KCNH5: variants seen among roughly 807,000 people sequenced by gnomAD.
The protein encoded by KCNH5 is potassium voltage-gated channel subfamily H member 5.
KCNH5 carries 46 observed loss-of-function variants against 96.1 expected under a neutral mutation model. The observed-to-expected ratio is 0.48, with a 90% CI of 0.38 to 0.61. KCNH5 has a LOEUF of 0.61. Ranked by LOEUF, KCNH5 falls within the 20% of genes least tolerant of loss-of-function variation. The probability of loss-of-function intolerance (pLI) is 0.00; values close to 1 mark genes in which losing one functional copy is unlikely to be tolerated. For synonymous variants in KCNH5, 439 were observed against 449.8 expected, an observed-to-expected ratio of 0.98 and a Z score of 0.30; for missense variants, 907 against 1,225.8, an observed-to-expected ratio of 0.74 and a Z score of 3.88.
chr14:62,863,631 A>C (rs1214053961), intron 7 of KCNH5, among the ~76,000 whole-genome samples: 1 of 152,180 alleles, frequency 6.6e-6, no homozygotes, highest in African/African-American at 2.4e-5. Flanking sequence ...CAATTATTTC[A>C]TTTCTTAGAG....
intron 7 of KCNH5, among the ~76,000 whole-genome samples, chr14:62,918,258 G>C (rs1029186360): frequency 6.6e-6 from 1 of 152,026 alleles, no homozygotes; most frequent in Non-Finnish European, 1.5e-5. Context: ...TCCTGGCTCT[G>C]GGTCCCATTA....
At chr14:62,750,749 A>C (rs1176847366) in intron 10 of KCNH5, among the ~76,000 whole-genome samples, 5 of 152,226 alleles carry the variant, frequency 3.3e-5, no homozygotes, top group Admixed American at 6.5e-5. Flanking sequence ...GAATCAGTGT[A>C]AATGTTAACT....
intron 3 of KCNH5, among the ~76,000 whole-genome samples, chr14:63,003,753 G>A (rs1200153845): frequency 7.3e-6 from 1 of 137,512 alleles, no homozygotes; most frequent in East Asian, 2.4e-4. Flanking sequence ...CTGAGTAGCT[G>A]GGACTACAAG....
At chr14:62,709,232 C>CAAAAAAAAAAAAAAAAAAAA (rs67304113) in intron 10 of KCNH5, among the ~76,000 whole-genome samples, 6 of 71,572 alleles carry the variant, frequency 8.4e-5, no homozygotes, top group South Asian at 1.7e-3. Context: ...GACTCCTTCT[C>CAAAAAAAAAAAAAAAAAAAA]AAAAAAAAAA....
chr14:62,833,617 C>T (rs1382976141), intron 8 of KCNH5, among the ~76,000 whole-genome samples: 1 of 151,832 alleles, frequency 6.6e-6, no homozygotes, highest in Non-Finnish European at 1.5e-5. Context: ...ATTTGGAGTC[C>T]TTTGGGGTTC....
chr14:62,724,418 T>G (rs963750456), intron 10 of KCNH5, among the ~76,000 whole-genome samples: 3 of 152,128 alleles, frequency 2.0e-5, no homozygotes, highest in Admixed American at 6.6e-5. Context: ...TACCTGAAGC[T>G]TCAAAAGAAA....
chr14:62,984,786 T>C lies in KCNH5; in HGVS notation c.549+2286A>G, dbSNP rs1890673304. Reference sequence around the variant, plus strand: ...GAAAAAAAAAACAGATGGGATGAAATAGGAATACGTTTCTCAAAAATAAAA... The same window carrying C: ...GAAAAAAAAAACAGATGGGATGAAACAGGAATACGTTTCTCAAAAATAAAA... On this transcript the variant is annotated intron_variant, in intron 5 of 10. Coordinates refer to ENST00000322893, the MANE Select transcript of KCNH5 (RefSeq NM_139318.5). Among the ~76,000 whole-genome samples, 3 of 150,982 alleles carry C rather than the reference T, an allele frequency of 2.0e-5. No individual in the cohort carries two copies. In the East Asian group the frequency reaches 5.8e-4, roughly 29 times the overall value.
intron 6 of KCNH5, among the ~76,000 whole-genome samples, chr14:62,971,146 C>T (rs1161427845): frequency 6.6e-6 from 1 of 151,998 alleles, no homozygotes; most frequent in Non-Finnish European, 1.5e-5. Context: ...AACCATGAAA[C>T]TCATAAGTAA....
At chr14:62,986,977 A>T in intron 5 of KCNH5, 95 bp downstream of exon 5, 1 of 790,696 alleles carries the variant, frequency 1.3e-6, no homozygotes, top group Non-Finnish European at 2.2e-6. Context: ...AGTATTTATA[A>T]GATCATAGCC....
chr14:63,016,871 AT>A lies in KCNH5; in HGVS notation c.156del (p.Tyr53IlefsTer20). ...TTCTGCATGACGTCAGCTCGATGAT[AT>A]CCAGAGAGTTTACAAAAACCGTCAT... is the stretch of plus-strand genomic sequence containing the variant. ...YSNDGFCKLSGYHRADVMQKS... is the reference protein window; with the variant it reads ...YSNDGFCKLSXYHRADVMQKS... On this transcript the variant is annotated frameshift_variant, in exon 2 of 11. Transcript: ENST00000322893. LOFTEE classifies it high-confidence loss of function. The A allele has an allele frequency of 6.2e-7, 1 of 1,612,020 alleles. No individual in the cohort carries two copies. The highest frequency in any genetic ancestry group is 8.5e-7 in the Non-Finnish European group (1 of 1,178,664).
At position 62,913,837 on chromosome 14, in the gene KCNH5, T is replaced by A. The variant is rs368432909; in HGVS notation, c.1369+36296A>T. ...GCAGTAATACACCCCTGAAGCTTTT[T>A]TAAAAAATTACTCTTGGCTTTCATC... On this transcript the variant is annotated intron_variant, in intron 7 of 10. Transcript: ENST00000322893. Among the ~76,000 whole-genome samples, 55 of 152,334 alleles carry A rather than the reference T, an allele frequency of 3.6e-4. 3 individuals are homozygous for A. In the South Asian group the frequency reaches 7.5e-3, roughly 21 times the overall value.
At chr14:62,939,483 A>AACC (rs1566715269) in intron 7 of KCNH5, among the ~76,000 whole-genome samples, 1 of 152,218 alleles carries the variant, frequency 6.6e-6, no homozygotes, top group Non-Finnish European at 1.5e-5. Context: ...CAGGAAAAAG[A>AACC]ACCACTTTCC....
intron 10 of KCNH5, among the ~76,000 whole-genome samples, chr14:62,774,015 G>A (rs1886044995): frequency 6.6e-6 from 1 of 152,090 alleles, no homozygotes; most frequent in Non-Finnish European, 1.5e-5. Flanking sequence ...CCATACCAAG[G>A]TCAGACAATC....
chr14:62,965,185 G>A (rs1202426322), intron 6 of KCNH5, among the ~76,000 whole-genome samples: 2 of 152,082 alleles, frequency 1.3e-5, no homozygotes, highest in African/African-American at 2.4e-5. Context: ...TGTCGTTGCT[G>A]TAGTTTGCAT....
chr14:62,966,330 C>A (rs972189705), intron 6 of KCNH5, among the ~76,000 whole-genome samples: 2 of 152,154 alleles, frequency 1.3e-5, no homozygotes, highest in African/African-American at 4.8e-5. Flanking sequence ...ATCAAAAGGG[C>A]AGTATTAGCA....
intron 7 of KCNH5, among the ~76,000 whole-genome samples, chr14:62,881,225 A>G (rs1313467755): frequency 6.6e-6 from 1 of 152,232 alleles, no homozygotes; most frequent in East Asian, 1.9e-4. Flanking sequence ...ATTCTAAAAT[A>G]AGCAATATTG....
chr14:62,748,498 C>A (rs545781583), intron 10 of KCNH5, among the ~76,000 whole-genome samples: 2 of 152,166 alleles, frequency 1.3e-5, no homozygotes, highest in East Asian at 3.9e-4. Context: ...AAGTCATGGC[C>A]CCATTTTCCC....
intron 10 of KCNH5, among the ~76,000 whole-genome samples, chr14:62,719,765 T>A (rs1219135518): frequency 6.6e-6 from 1 of 152,226 alleles, no homozygotes; most frequent in African/African-American, 2.4e-5. Flanking sequence ...GTTTTCAATC[T>A]TGTCTACCTA....
At chr14:63,006,673 T>C (rs1172236968) in intron 2 of KCNH5, among the ~76,000 whole-genome samples, 1 of 152,230 alleles carries the variant, frequency 6.6e-6, no homozygotes, top group Non-Finnish European at 1.5e-5. Context: ...TGTGGTTTAG[T>C]TAAATAACAC....
Sources: gnomAD v4.1 joint callset for allele counts (sites outside exome capture counted in the v4.1 genomes callset) on GRCh38, gnomAD v4.1.1 for gene constraint, MANE v1.5 for transcripts, NCBI Gene and HGNC (gene_info 2026-07-23, HGNC 2026-07-21) for gene names.